The following P4HTM variants were observed in gnomAD, a reference collection of about 807,000 sequenced individuals.
P4HTM encodes prolyl 4-hydroxylase, transmembrane, also known as transmembrane prolyl 4-hydroxylase.
In P4HTM, 33 loss-of-function variants were observed where a neutral mutation model predicts 55.3. The observed-to-expected ratio is 0.60, with a 90% CI of 0.45 to 0.80. P4HTM has a LOEUF of 0.80. P4HTM is among the 30% of genes least tolerant of loss of function. The pLI is 0.00. For synonymous variants in P4HTM, 272 were observed against 286.4 expected (o/e 0.95, Z 0.51); for missense variants, 542 against 696.5 (o/e 0.78, Z 2.50).
At chr3:48,992,564 C>T (rs1305011631) in intron 2 of P4HTM, among the ~76,000 whole-genome samples, 1 of 150,564 alleles carries the variant, frequency 6.6e-6, no homozygotes, top group African/African-American at 2.4e-5. Context: ...CAAGATCGCA[C>T]CACTGCATTC....
rs769996504 is a variant in P4HTM, at chr3:49,001,317, C to T, written c.437-121C>T. The T allele has an allele frequency of 1.9e-5, 16 of 851,420 alleles. No individual in the cohort carries two copies. The African/African-American group carries it at 2.7e-4, about 14-fold the overall frequency. 52.7% of individuals were successfully genotyped at this position (851,420 alleles called of 1,614,324 possible). On this transcript the variant is annotated intron_variant, in intron 2 of 8. Transcript: ENST00000383729. ...CAAGGGGTCTGTAAAATCCTCCATC[C>T]TCCAGACCTGGTGGCCACTGAGGGA...
chr3:48,998,783 C>A (rs989781441), intron 2 of P4HTM, among the ~76,000 whole-genome samples: 1 of 152,176 alleles, frequency 6.6e-6, no homozygotes, highest in Non-Finnish European at 1.5e-5. Flanking sequence ...GCTGACATGG[C>A]CACCCAGAGG....
Position 48,990,820 on chromosome 3 carries a change from G to T in P4HTM, c.355-13G>T, listed in dbSNP as rs914905667. On this transcript the variant is annotated splice_polypyrimidine_tract_variant and intron_variant, in intron 1 of 8. Transcript: ENST00000383729. This position sits in a 1 kb window ranked among gnomAD's most constrained non-coding sequence, Gnocchi z 7.2. ...CTGGCGCCCCAGCTGCCCGCTGTGC[G>T]CCTTTTCCTTAGGTGGGGCACGAGC... The T allele has an allele frequency of 1.2e-6, 2 of 1,612,502 alleles. No individual in the cohort carries two copies. Among genetic ancestry groups the T allele is most frequent in the South Asian group, 1.1e-5 (1 of 91,030 alleles).
chr3:49,000,945 C>T (rs2092959355), intron 2 of P4HTM: 1 of 207,660 alleles, frequency 4.8e-6, no homozygotes, highest in Non-Finnish European at 9.9e-6. Context: ...CCCATCTTTG[C>T]AGGAAATTGG....
rs2092956554 is a variant in P4HTM, at chr3:48,999,947, A to G, written c.437-1491A>G. 6.6e-6 allele frequency among the ~76,000 whole-genome samples: 1 copy of G among 152,218 alleles called. No homozygotes were observed. Among genetic ancestry groups the G allele is most frequent in the Non-Finnish European group, 1.5e-5 (1 of 68,038 alleles). ...CACCCTTTCTGGGTTTGCTGGGGTC[A>G]CGGGATCATGCAGGCCAAGAGTGGG... is the stretch of plus-strand genomic sequence containing the variant. On this transcript the variant is annotated intron_variant, in intron 2 of 8. Coordinates refer to ENST00000383729, the MANE Select transcript of P4HTM (RefSeq NM_177939.3). This position sits in a 1 kb window ranked among gnomAD's most constrained non-coding sequence, Gnocchi z 4.8.
intron 8 of P4HTM, among the ~76,000 whole-genome samples, 167 bp from the exon 9 acceptor site, chr3:49,006,520 C>T (rs1344464805): frequency 6.6e-6 from 1 of 152,240 alleles, no homozygotes; most frequent in Admixed American, 6.5e-5. Flanking sequence ...GTAGTGTTGA[C>T]TATACATTAG....
intron 2 of P4HTM, among the ~76,000 whole-genome samples, chr3:48,994,665 G>A (rs944969019): frequency 2.0e-5 from 3 of 152,162 alleles, no homozygotes; most frequent in Non-Finnish European, 4.4e-5. Context: ...CTCCATTTCT[G>A]AACCATTGCC....
intron 2 of P4HTM, among the ~76,000 whole-genome samples, chr3:48,994,360 G>A (rs1170651826): frequency 6.6e-6 from 1 of 152,192 alleles, no homozygotes; most frequent in Non-Finnish European, 1.5e-5. Context: ...GATGTGAGCT[G>A]GGGCAAGGGA....
intron 8 of P4HTM, 115 bp downstream of exon 8, chr3:49,006,302 C>T (rs1233625567): frequency 1.1e-5 from 13 of 1,148,244 alleles, no homozygotes; most frequent in Non-Finnish European, 1.6e-5. Context: ...TAGTTTTCTG[C>T]TCCTGGTGCC....
chr3:49,005,317 C>A, intron 6 of P4HTM: 1 of 1,435,074 alleles, frequency 7.0e-7, no homozygotes, highest in Admixed American at 2.8e-5. Flanking sequence ...AAGCAAGGGG[C>A]AAGGCTGGGC....
At chr3:49,001,758 C>A in intron 3 of P4HTM, 130 bp downstream of exon 3, 1 of 770,692 alleles carries the variant, frequency 1.3e-6, no homozygotes, top group Non-Finnish European at 2.1e-6. Flanking sequence ...CCTGGGCATG[C>A]CCAGACCCAG....
Position 49,006,871 on chromosome 3 carries a change from G to A in P4HTM, c.1473G>A (p.Leu491=), listed in dbSNP as rs750862444. ...CCGACTCACAGCCCGAGTGGGCTCT[G>A]GACCGGGCCTACCGCGATGCGCGCG... ...GGTDSQPEWA[L]DRAYRDARVE... is the part of the protein sequence containing the mutation. The change falls in exon 9 of 9, where the codon CTG becomes CTA. Residue 491 remains leucine (L), a synonymous_variant. Coordinates refer to ENST00000383729, the MANE Select transcript of P4HTM (RefSeq NM_177939.3). 2.9e-5 allele frequency: 46 copies of A among 1,612,836 alleles called. No individual in the cohort carries two copies. Among genetic ancestry groups the A allele is most frequent in the Non-Finnish European group, 3.1e-5 (36 of 1,179,952 alleles).
chr3:48,998,441 G>C (rs1022906435), intron 2 of P4HTM: 1 of 152,200 alleles, frequency 6.6e-6, no homozygotes, highest in African/African-American at 2.4e-5. Flanking sequence ...CCCCTGTCTC[G>C]TGGCCTGGAA....
At position 49,002,089 on chromosome 3, in the gene P4HTM, G is replaced by T. The variant is rs2092962750; in HGVS notation, c.628-411G>T. ...CTGCCCACACAGAACACCCCACTGA[G>T]CCTGGTCTTTCTGAGGGATCTGGTG... On this transcript the variant is annotated intron_variant, in intron 3 of 8. Coordinates refer to ENST00000383729, the MANE Select transcript of P4HTM (RefSeq NM_177939.3). The surrounding 1 kb of genome is among the most constrained non-coding windows in gnomAD (Gnocchi z 4.4). 6.6e-6 allele frequency among the ~76,000 whole-genome samples: 1 copy of T among 152,228 alleles called. No homozygotes were observed. The highest frequency in any genetic ancestry group is 2.4e-5 in the African/African-American group (1 of 41,448).
chr3:48,995,338 G>A (rs1020063632), intron 2 of P4HTM, among the ~76,000 whole-genome samples: 1 of 152,164 alleles, frequency 6.6e-6, no homozygotes, highest in African/African-American at 2.4e-5. Flanking sequence ...TTCAGCTCCA[G>A]CAGGCCTCTG....
chr3:49,003,168 CAGG>C, intron 4 of P4HTM: 1 of 223,990 alleles, frequency 4.5e-6, no homozygotes, highest in East Asian at 1.1e-4. Flanking sequence ...TAATAACTCT[CAGG>C]AGGTTTCTGA....
At position 48,990,559 on chromosome 3, in the gene P4HTM, C is replaced by T. The variant is rs746300113; in HGVS notation, c.303C>T (p.Gly101=). ...CCGGGCCCCAACACCGTGCCCAGGG[C>T]CCCGGGCCCGAGCCCACCTTAGGTC... is the stretch of plus-strand genomic sequence containing the variant. ...SDPGPQHRAQ[G]PGPEPTLGPL... is the part of the protein sequence containing the mutation. Residue 101 remains glycine (G), a synonymous_variant, in exon 1 of 9, where the codon GGC becomes GGT. Transcript: ENST00000383729. This position sits in a 1 kb window ranked among gnomAD's most constrained non-coding sequence, Gnocchi z 7.2. 2 of 1,608,724 alleles carry T rather than the reference C, an allele frequency of 1.2e-6. No individual in the cohort carries two copies. The highest frequency in any genetic ancestry group is 1.3e-5 in the African/African-American group (1 of 74,678).
chr3:49,003,481 A>G (rs1215223118), intron 4 of P4HTM: 2 of 155,170 alleles, frequency 1.3e-5, no homozygotes, highest in African/African-American at 4.8e-5. Flanking sequence ...GAACCCCAAG[A>G]GGGTAGAACC....
rs2092928496 is a variant in P4HTM at position 48,990,687 on chromosome 3, C to T, written c.354+77C>T. ...AGAGGACCGGCGCTCAGCCCGGGTC[C>T]CCACGCTGCCCCCGGCGCTGCTCTG... On this transcript the variant is annotated intron_variant, in intron 1 of 8. Coordinates refer to ENST00000383729, the MANE Select transcript of P4HTM (RefSeq NM_177939.3). This position sits in a 1 kb window ranked among gnomAD's most constrained non-coding sequence, Gnocchi z 7.2. The T allele has an allele frequency of 4.1e-6, 6 of 1,460,976 alleles. No homozygotes were observed. Among genetic ancestry groups the T allele is most frequent in the African/African-American group, 2.8e-5 (2 of 70,482 alleles). The allele number at this position is 1,460,976 out of a possible 1,614,324, so 90.5% of individuals were successfully genotyped here. A position where few individuals can be genotyped will look rare whatever the true frequency, so the allele number is the denominator to read the frequency against.
Sources: gnomAD v4.1 joint callset for allele counts (sites outside exome capture counted in the v4.1 genomes callset) on GRCh38, gnomAD v4.1.1 for gene constraint, Gnocchi (gnomAD v3.1) non-coding constraint, MANE v1.5 for transcripts, NCBI Gene and HGNC (gene_info 2026-07-23, HGNC 2026-07-21) for gene names.